KCND2: variants seen among roughly 807,000 people sequenced by gnomAD.
The protein encoded by KCND2 is A-type voltage-gated potassium channel KCND2.
In KCND2, 16 loss-of-function variants were observed where a neutral mutation model predicts 54.4. The ratio of observed to expected loss-of-function variants is 0.29; its 90% CI spans 0.20 to 0.45. The LOEUF (loss-of-function observed/expected upper bound fraction) is 0.45, where lower values mean the gene tolerates loss of function less well. Ranked by LOEUF, KCND2 falls within the 20% of genes least tolerant of loss-of-function variation. The probability of loss-of-function intolerance (pLI) is 1.00; values close to 1 mark genes in which losing one functional copy is unlikely to be tolerated. For synonymous variants in KCND2, 317 were observed against 310.7 expected, an observed-to-expected ratio of 1.02 and a Z score of -0.21; for missense variants, 486 against 824.2, an observed-to-expected ratio of 0.59 and a Z score of 5.02.
At chr7:120,527,936 C>T (rs1791796596) in intron 1 of KCND2, among the ~76,000 whole-genome samples, 1 of 152,074 alleles carries the variant, frequency 6.6e-6, no homozygotes, top group African/African-American at 2.4e-5. Context: ...GGATATTTAG[C>T]CATCTGTTTT....
At chr7:120,668,696 G>A (rs976008971) in intron 1 of KCND2, among the ~76,000 whole-genome samples, 2 of 151,824 alleles carry the variant, frequency 1.3e-5, no homozygotes, top group South Asian at 2.1e-4. Flanking sequence ...TATATGACTC[G>A]AGAAAAGATT....
chr7:120,328,887 T>C (rs975839767), intron 1 of KCND2, among the ~76,000 whole-genome samples: 1 of 152,162 alleles, frequency 6.6e-6, no homozygotes, highest in Admixed American at 6.6e-5. Context: ...AACTCAACTT[T>C]CAGTATTATT....
intron 1 of KCND2, among the ~76,000 whole-genome samples, chr7:120,305,929 G>A (rs1799647081): frequency 6.6e-6 from 1 of 152,210 alleles, no homozygotes; most frequent in African/African-American, 2.4e-5. Flanking sequence ...AGACTTACCT[G>A]GCTTCACCTT....
intron 1 of KCND2, among the ~76,000 whole-genome samples, chr7:120,474,239 C>T (rs996354893): frequency 1.3e-5 from 2 of 152,184 alleles, no homozygotes; most frequent in African/African-American, 4.8e-5. Context: ...CATGGCAGCT[C>T]AAGCATCCCA....
chr7:120,741,505 T>C, intron 2 of KCND2, 29 bp from the exon 3 acceptor site: 2 of 1,427,692 alleles, frequency 1.4e-6, no homozygotes, highest in South Asian at 2.3e-5. Flanking sequence ...TTATAAATGT[T>C]AATGGGATGT....
At chr7:120,488,836 A>T (rs1403155422) in intron 1 of KCND2, among the ~76,000 whole-genome samples, 1 of 152,090 alleles carries the variant, frequency 6.6e-6, no homozygotes, top group Non-Finnish European at 1.5e-5. Context: ...ATCAATTATG[A>T]CTTAATTTGG....
intron 1 of KCND2, among the ~76,000 whole-genome samples, chr7:120,472,292 C>T (rs1802468642): frequency 6.6e-6 from 1 of 151,600 alleles, no homozygotes; most frequent in Admixed American, 6.6e-5. Context: ...AGCAGTGGGG[C>T]AGGGCAGGAT....
chr7:120,505,322 G>A (rs1015668685), intron 1 of KCND2, among the ~76,000 whole-genome samples: 2 of 151,388 alleles, frequency 1.3e-5, no homozygotes, highest in Non-Finnish European at 3.0e-5. Flanking sequence ...GCAAATCTCA[G>A]GGCAGAGTAC....
At chr7:120,355,316 G>A (rs1222166164) in intron 1 of KCND2, among the ~76,000 whole-genome samples, 4 of 152,196 alleles carry the variant, frequency 2.6e-5, no homozygotes, top group Non-Finnish European at 5.9e-5. Flanking sequence ...AGAGGCAGAT[G>A]TGGGTGGATC....
At chr7:120,734,682 T>A (rs1383525604) in intron 2 of KCND2, among the ~76,000 whole-genome samples, 1 of 152,172 alleles carries the variant, frequency 6.6e-6, no homozygotes, top group Admixed American at 6.6e-5. Context: ...TTTGGACTTA[T>A]GGCACTGTAT....
chr7:120,750,232 A>G lies in KCND2; in HGVS notation c.*2374A>G, dbSNP rs915746001. ...TTTTTGACAATTTTGTTTGAAATTCATATATCTTATTTCAAAGGATAGCAT... is the reference window on the plus strand; with the variant it reads ...TTTTTGACAATTTTGTTTGAAATTCGTATATCTTATTTCAAAGGATAGCAT... On this transcript the variant is annotated 3_prime_UTR_variant, in exon 6 of 6. Transcript: ENST00000331113. 6.6e-6 allele frequency: 1 copy of G among 152,410 alleles called. No individual in the cohort carries two copies. Among genetic ancestry groups the G allele is most frequent in the African/African-American group, 2.4e-5 (1 of 41,456 alleles). The allele number at this position is 152,410 out of a possible 1,614,324, so 9.4% of individuals were successfully genotyped here.
At chr7:120,593,069 A>G (rs1393272075) in intron 1 of KCND2, among the ~76,000 whole-genome samples, 1 of 152,232 alleles carries the variant, frequency 6.6e-6, no homozygotes, top group African/African-American at 2.4e-5. Flanking sequence ...CAACTTGAAT[A>G]TCAGCAAAAT....
intron 1 of KCND2, among the ~76,000 whole-genome samples, chr7:120,484,304 T>C (rs1220623451): frequency 6.6e-6 from 1 of 152,058 alleles, no homozygotes; most frequent in Non-Finnish European, 1.5e-5. Flanking sequence ...TACAGGTGCA[T>C]GACACTGTTC....
intron 1 of KCND2, among the ~76,000 whole-genome samples, chr7:120,472,050 G>A (rs1289886361): frequency 6.6e-6 from 1 of 151,500 alleles, no homozygotes; most frequent in Non-Finnish European, 1.5e-5. Context: ...ACCAGATTCT[G>A]GAAGATGAAG....
intron 1 of KCND2, among the ~76,000 whole-genome samples, chr7:120,652,718 A>C (rs959692853): frequency 1.3e-5 from 2 of 152,134 alleles, no homozygotes; most frequent in African/African-American, 4.8e-5. Flanking sequence ...GCTACCTTCT[A>C]AGGTTTGTGT....
At chr7:120,441,890 C>A (rs1194903424) in intron 1 of KCND2, among the ~76,000 whole-genome samples, 6 of 152,066 alleles carry the variant, frequency 3.9e-5, no homozygotes, top group Non-Finnish European at 5.9e-5. Flanking sequence ...GAACTACTAC[C>A]AAGTTGGCAG....
At chr7:120,664,938 A>T (rs1202561352) in intron 1 of KCND2, among the ~76,000 whole-genome samples, 1 of 152,138 alleles carries the variant, frequency 6.6e-6, no homozygotes, top group Non-Finnish European at 1.5e-5. Flanking sequence ...AGAGAAAAAT[A>T]AAACGTACAA....
intron 1 of KCND2, among the ~76,000 whole-genome samples, chr7:120,438,839 A>G (rs542687203): frequency 6.6e-6 from 1 of 152,220 alleles, no homozygotes; most frequent in South Asian, 2.1e-4. Context: ...TTCATTTTCA[A>G]TTCGTGTATA....
At chr7:120,638,739 C>A (rs1250507483) in intron 1 of KCND2, among the ~76,000 whole-genome samples, 1 of 152,010 alleles carries the variant, frequency 6.6e-6, no homozygotes, top group Non-Finnish European at 1.5e-5. Context: ...GATGGAAAGT[C>A]CTCTCTGGAA....
Sources: gnomAD v4.1 joint callset for allele counts (sites outside exome capture counted in the v4.1 genomes callset) on GRCh38, gnomAD v4.1.1 for gene constraint, MANE v1.5 for transcripts, NCBI Gene and HGNC (gene_info 2026-07-23, HGNC 2026-07-21) for gene names.